The following PLEKHG3 variants were observed in gnomAD, a reference collection of about 807,000 sequenced individuals.
PLEKHG3 encodes pleckstrin homology domain-containing family G member 3.
A neutral mutation model predicts 94.9 loss-of-function variants in PLEKHG3; 62 were observed. That is an observed-to-expected ratio of 0.65 (90% CI 0.53 to 0.81). The LOEUF is 0.81. Among genes scored for constraint, PLEKHG3 ranks in the 30% least tolerant of loss-of-function variants. PLEKHG3 has a pLI of 0.00. For missense variants in PLEKHG3, 1,461 were observed against 1,619.3 expected (o/e 0.90, Z 1.68); for synonymous variants, 614 against 654.0 (o/e 0.94, Z 0.93).
intron 12 of PLEKHG3, among the ~76,000 whole-genome samples, chr14:64,733,807 T>G (rs2081519469): frequency 6.6e-6 from 1 of 152,264 alleles, no homozygotes; most frequent in East Asian, 1.9e-4. Context: ...GAGAAAACCT[T>G]GCTTTTATTC....
At position 64,731,963 on chromosome 14, in the gene PLEKHG3, G is replaced by A. The variant is rs1178630449; in HGVS notation, c.1126-132G>A. 1 of 842,730 alleles carries A rather than the reference G, an allele frequency of 1.2e-6. No individual in the cohort carries two copies. The highest frequency in any genetic ancestry group is 1.4e-5 in the South Asian group (1 of 69,230). 52.2% of individuals were successfully genotyped at this position (842,730 alleles called of 1,614,324 possible). On this transcript the variant is annotated intron_variant, in intron 9 of 16. Transcript: ENST00000247226. The surrounding 1 kb of genome is among the most constrained non-coding windows in gnomAD (Gnocchi z 6.1). ...CAGGCACCTCTCAGGGTCAAAGTGA[G>A]GAGTCAGGTTAACCTCACAGAGGCC...
intron 1 of PLEKHG3, among the ~76,000 whole-genome samples, chr14:64,711,752 G>A (rs1005194833): frequency 5.9e-5 from 9 of 152,134 alleles, no homozygotes; most frequent in African/African-American, 2.2e-4. Flanking sequence ...TCATTGTCAA[G>A]TATACGATTT....
In PLEKHG3 at chr14:64,717,642, C is replaced by T. The variant is rs535139204; in HGVS notation, c.-39-9951C>T. On this transcript the variant is annotated intron_variant, in intron 1 of 16. Coordinates refer to ENST00000247226, the MANE Select transcript of PLEKHG3 (RefSeq NM_001308147.2). The surrounding 1 kb of genome is among the most constrained non-coding windows in gnomAD (Gnocchi z 4.7). ...AAATGTAGTTTCATCTCTTGACGTT[C>T]ATATTGGGTCTCATTTCTTCCCCCT... Among the ~76,000 whole-genome samples, 1 of 152,318 alleles carries T rather than the reference C, an allele frequency of 6.6e-6. No homozygotes were observed. Among genetic ancestry groups the T allele is most frequent in the Non-Finnish European group, 1.5e-5 (1 of 68,034 alleles).
chr14:64,715,789 A>G lies in PLEKHG3; in HGVS notation c.-40+11085A>G, dbSNP rs1201521138. ...TCCCAGGGCTGTGGCCTGGGTCCCT[A>G]CCCAGCGGGGACCTGCAGAATTGTG... On this transcript the variant is annotated intron_variant, in intron 1 of 16. Coordinates refer to ENST00000247226, the MANE Select transcript of PLEKHG3 (RefSeq NM_001308147.2). This position sits in a 1 kb window ranked among gnomAD's most constrained non-coding sequence, Gnocchi z 4.4. The G allele has an allele frequency of 8.9e-6, 3 of 337,932 alleles. No homozygotes were observed. The highest frequency in any genetic ancestry group is 1.2e-5 in the Non-Finnish European group (2 of 171,496). 20.9% of individuals were successfully genotyped at this position (337,932 alleles called of 1,614,324 possible).
chr14:64,733,199 C>G (rs1222148327), intron 12 of PLEKHG3, among the ~76,000 whole-genome samples: 1 of 139,498 alleles, frequency 7.2e-6, no homozygotes, highest in African/African-American at 2.7e-5. Context: ...GAGTCTTGCT[C>G]TGTTGCCCAG....
rs1486079883 is a variant in PLEKHG3, at chr14:64,722,521, C to T, written c.-39-5072C>T. Among the ~76,000 whole-genome samples the T allele has an allele frequency of 6.6e-6, 1 of 152,122 alleles. No individual in the cohort carries two copies. Among genetic ancestry groups the T allele is most frequent in the Non-Finnish European group, 1.5e-5 (1 of 68,026 alleles). On this transcript the variant is annotated intron_variant, in intron 1 of 16. Transcript: ENST00000247226. This position sits in a 1 kb window ranked among gnomAD's most constrained non-coding sequence, Gnocchi z 4.3. The stretch of plus-strand genomic sequence containing the variant: ...AGGCGTGAGCCACTGCGCCTGGCCA[C>T]GAGGACTTTCCCTGTGTGCAGGTGC...
rs759288245 is a variant in PLEKHG3 at position 64,748,934 on chromosome 14, CTCT to C, written c.*5233_*5235del. 12,194 of 160,954 alleles carry C rather than the reference CTCT, an allele frequency of 0.076. 500 individuals are homozygous for C. The highest frequency in any genetic ancestry group is 0.12 in the African/African-American group (3,429 of 29,534). 10.0% of individuals were successfully genotyped at this position (160,954 alleles called of 1,614,324 possible). On this transcript the variant is annotated 3_prime_UTR_variant, in exon 17 of 17. Transcript: ENST00000247226. ...GAAGAACCCCATCAGCCTTCTCCAGCTCTTTTTTTTTTTTTTTTTTGGTTGGGG... is the reference window on the plus strand; with the variant it reads ...GAAGAACCCCATCAGCCTTCTCCAGCTTTTTTTTTTTTTTTTTGGTTGGGG...
At chr14:64,714,749 A>G (rs1443755029) in intron 1 of PLEKHG3, among the ~76,000 whole-genome samples, 3 of 152,170 alleles carry the variant, frequency 2.0e-5, no homozygotes, top group Non-Finnish European at 2.9e-5. Flanking sequence ...TTCCCTTCCC[A>G]AACTTAATAT....
rs377661085 is a variant in PLEKHG3, at chr14:64,720,922, C to T, written c.-39-6671C>T. Reference sequence around the variant, plus strand: ...ATCTTCCAGTTCCCTTCTCTCTGTCCCTCTGCTTTTATTGTCAAACTTCTG... The same window carrying T: ...ATCTTCCAGTTCCCTTCTCTCTGTCTCTCTGCTTTTATTGTCAAACTTCTG... On this transcript the variant is annotated intron_variant, in intron 1 of 16. Transcript: ENST00000247226. The surrounding 1 kb of genome is among the most constrained non-coding windows in gnomAD (Gnocchi z 4.1). Among the ~76,000 whole-genome samples, 3 of 152,170 alleles carry T rather than the reference C, an allele frequency of 2.0e-5. No individual in the cohort carries two copies. Among genetic ancestry groups the T allele is most frequent in the Non-Finnish European group, 2.9e-5 (2 of 68,040 alleles).
chr14:64,737,788 C>T (rs185527981), intron 14 of PLEKHG3: 1 of 766,256 alleles, frequency 1.3e-6, no homozygotes, highest in Non-Finnish European at 1.8e-6. Flanking sequence ...AAGGCTCCCC[C>T]CCCGCAGCTG....
chr14:64,743,478 T>C lies in PLEKHG3; in HGVS notation c.3435T>C (p.Ile1145=), dbSNP rs2081763951. The C allele has an allele frequency of 1.2e-6, 2 of 1,612,956 alleles. No individual in the cohort carries two copies. The change falls in exon 17 of 17, where the codon ATT becomes ATC. Residue 1145 remains isoleucine, a synonymous_variant. Transcript: ENST00000247226. The surrounding 1 kb of genome is among the most constrained non-coding windows in gnomAD (Gnocchi z 7.2). The stretch of plus-strand genomic sequence containing the variant: ...CCCTGGAGGACAACCGGCGGGTGAT[T>C]GTCATGGAGAAGGGACCCCTTCCCA... ...DLTLEDNRRV[I]VMEKGPLPSP...
In PLEKHG3 at chr14:64,731,506, A is replaced by G. The variant is rs777837024; in HGVS notation, c.995A>G (p.Lys332Arg). 6.2e-7 allele frequency: 1 copy of G among 1,614,100 alleles called. No homozygotes were observed. The highest frequency in any genetic ancestry group is 2.2e-5 in the East Asian group (1 of 44,862). The change falls in exon 8 of 17, where the codon AAG (lysine) becomes AGG (arginine). Residue 332 changes from lysine (K) to arginine (R), a missense_variant. This residue lies in a region of PLEKHG3 where 1,201 missense variants were observed against 1,295.5 expected (regional missense o/e 0.93). Coordinates refer to ENST00000247226, the MANE Select transcript of PLEKHG3 (RefSeq NM_001308147.2). This position sits in a 1 kb window ranked among gnomAD's most constrained non-coding sequence, Gnocchi z 6.1. ...LFDKTLLITK[K>R]RGDHFVYKGN... ...GACAAAACACTGCTTATCACCAAGA[A>G]GCGGGGCGATCACTTTGTCTACAAG...
In PLEKHG3 at chr14:64,742,237, T is replaced by C. The variant is rs901713330; in HGVS notation, c.2720T>C (p.Ile907Thr). Residue 907 changes from isoleucine (I) to threonine (T), a missense_variant, in exon 16 of 17, where the codon ATC becomes ACC. Transcript: ENST00000247226. ...GELVAPLHPRIVQLSHVMDSH... is the reference protein window; with the variant it reads ...GELVAPLHPRTVQLSHVMDSH... Reference sequence around the variant, plus strand: ...CTGGTGGCCCCACTGCACCCCCGCATCGTGCAGCTCTCCCACGTAATGGAC... The same window carrying C: ...CTGGTGGCCCCACTGCACCCCCGCACCGTGCAGCTCTCCCACGTAATGGAC... The C allele has an allele frequency of 6.2e-7, 1 of 1,612,916 alleles. No individual in the cohort carries two copies. The highest frequency in any genetic ancestry group is 1.3e-5 in the African/African-American group (1 of 74,920).
At position 64,720,282 on chromosome 14, in the gene PLEKHG3, CTG is replaced by C. The variant is rs900207726; in HGVS notation, c.-39-7310_-39-7309del. Among the ~76,000 whole-genome samples the C allele has an allele frequency of 2.0e-5, 3 of 152,206 alleles. No individual in the cohort carries two copies. Among genetic ancestry groups the C allele is most frequent in the African/African-American group, 7.2e-5 (3 of 41,450 alleles). ...GCTATGCCGTGCTCTAGCTCCCTGT[CTG>C]GGGCCAAGTAGGATGGGACTACCGG... is the stretch of plus-strand genomic sequence containing the variant. On this transcript the variant is annotated intron_variant, in intron 1 of 16. Coordinates refer to ENST00000247226, the MANE Select transcript of PLEKHG3 (RefSeq NM_001308147.2). This position sits in a 1 kb window ranked among gnomAD's most constrained non-coding sequence, Gnocchi z 4.1.
chr14:64,733,531 C>T (rs920616405), intron 12 of PLEKHG3, among the ~76,000 whole-genome samples: 3 of 152,142 alleles, frequency 2.0e-5, no homozygotes, highest in African/African-American at 4.8e-5. Context: ...CCTTCTTAGC[C>T]CCCTCCCTCC....
rs973769105 is a variant in PLEKHG3, at chr14:64,745,170, C to T, written c.*1467C>T. The stretch of plus-strand genomic sequence containing the variant: ...CAAGTGCATTTTTCTGGGATGATTC[C>T]TCCCTTTTTATCACATTCTCAGAAG... On this transcript the variant is annotated 3_prime_UTR_variant, in exon 17 of 17. Transcript: ENST00000247226. The surrounding 1 kb of genome is among the most constrained non-coding windows in gnomAD (Gnocchi z 5.0). The T allele has an allele frequency of 1.3e-5, 2 of 152,266 alleles. No individual in the cohort carries two copies. The highest frequency in any genetic ancestry group is 2.4e-5 in the African/African-American group (1 of 41,458). The allele number at this position is 152,266 out of a possible 1,614,324, so 9.4% of individuals were successfully genotyped here. A position where few individuals can be genotyped will look rare whatever the true frequency, so the allele number is the denominator to read the frequency against.
rs192571445 is a variant in PLEKHG3 at position 64,723,567 on chromosome 14, C to A, written c.-39-4026C>A. The stretch of plus-strand genomic sequence containing the variant: ...CCAGGCTGGAGTACAGTGGCGCGAT[C>A]TCAGCTCACTGAAACATCTGCCTTC... On this transcript the variant is annotated intron_variant, in intron 1 of 16. Transcript: ENST00000247226. This position sits in a 1 kb window ranked among gnomAD's most constrained non-coding sequence, Gnocchi z 4.5. Among the ~76,000 whole-genome samples, 5 of 152,224 alleles carry A rather than the reference C, an allele frequency of 3.3e-5. No individual in the cohort carries two copies. The highest frequency in any genetic ancestry group is 9.6e-5 in the African/African-American group (4 of 41,534).
At position 64,749,539 on chromosome 14, in the gene PLEKHG3, C is replaced by A. The variant is rs1349516927; in HGVS notation, c.*5836C>A. 1.9e-6 allele frequency: 3 copies of A among 1,600,922 alleles called. No individual in the cohort carries two copies. In the Admixed American group the frequency reaches 5.0e-5, roughly 27 times the overall value. On this transcript the variant is annotated 3_prime_UTR_variant, in exon 17 of 17. Transcript: ENST00000247226. This position sits in a 1 kb window ranked among gnomAD's most constrained non-coding sequence, Gnocchi z 4.7. ...GCCCCCCACCTCCCGGGCCAGGCAACAATGGTGGGGGCTCTTGGGACTGCC... is the reference window on the plus strand; with the variant it reads ...GCCCCCCACCTCCCGGGCCAGGCAAAAATGGTGGGGGCTCTTGGGACTGCC...
chr14:64,709,918 G>A (rs1325843590), intron 1 of PLEKHG3, among the ~76,000 whole-genome samples: 1 of 152,128 alleles, frequency 6.6e-6, no homozygotes, highest in Non-Finnish European at 1.5e-5. Flanking sequence ...AGGAATTAAG[G>A]AAATGCTCAC....
Sources: gnomAD v4.1 joint callset for allele counts (sites outside exome capture counted in the v4.1 genomes callset) on GRCh38, gnomAD v4.1.1 for gene constraint, gnomAD v4.1.1 regional missense constraint, Gnocchi (gnomAD v3.1) non-coding constraint, MANE v1.5 for transcripts, NCBI Gene and HGNC (gene_info 2026-07-23, HGNC 2026-07-21) for gene names.